Variants in ADGRL3 observed in about 807,000 individuals in gnomAD.
ADGRL3 encodes calcium-independent alpha-latrotoxin receptor 3.
In ADGRL3, 62 loss-of-function variants were observed where a neutral mutation model predicts 153.5. The ratio of observed to expected loss-of-function variants is 0.40; its 90% CI spans 0.33 to 0.50. ADGRL3 has a LOEUF of 0.50. Ranked by LOEUF, ADGRL3 falls within the 20% of genes least tolerant of loss-of-function variation. The pLI, the probability that ADGRL3 is intolerant of heterozygous loss-of-function variation, is 0.47. For synonymous variants in ADGRL3, 710 were observed against 672.5 expected (o/e 1.06, Z -0.86); for missense variants, 1,641 against 1,859.4 (o/e 0.88, Z 2.16).
At chr4:61,476,291 G>A (rs892097440) in intron 2 of ADGRL3, among the ~76,000 whole-genome samples, 3 of 151,394 alleles carry the variant, frequency 2.0e-5, no homozygotes, top group African/African-American at 2.4e-5. Flanking sequence ...GCGGGTGGAC[G>A]ATCTCGGCTC....
intron 2 of ADGRL3, among the ~76,000 whole-genome samples, chr4:61,474,407 C>G (rs763300026): frequency 6.6e-6 from 1 of 151,984 alleles, no homozygotes; most frequent in Non-Finnish European, 1.5e-5. Context: ...GGACAAGCAA[C>G]AAAAAAGTCT....
chr4:61,440,325 G>T (rs565381418), intron 2 of ADGRL3, among the ~76,000 whole-genome samples: 6 of 152,316 alleles, frequency 3.9e-5, no homozygotes, highest in Admixed American at 2.0e-4. Context: ...TGGGATTACA[G>T]GCGTGAGCCA....
Position 62,070,563 on chromosome 4 carries a change from T to C in ADGRL3, c.4287T>C (p.Ser1429=). Residue 1429 remains serine (S), a synonymous_variant, in exon 27 of 27, where the codon AGT becomes AGC. Coordinates refer to ENST00000683033, the MANE Select transcript of ADGRL3 (RefSeq NM_001387552.1). The part of the protein sequence containing the change: ...YTRRRIPQDH[S]ESFFPLLTNE... Reference sequence around the variant, plus strand: ...GAAGGCGGATCCCCCAAGACCACAGTGAGAGCTTTTTCCCTTTGCTAACCA... The same window carrying C: ...GAAGGCGGATCCCCCAAGACCACAGCGAGAGCTTTTTCCCTTTGCTAACCA... 3.2e-6 allele frequency: 5 copies of C among 1,544,660 alleles called. No homozygotes were observed. Among genetic ancestry groups the C allele is most frequent in the Non-Finnish European group, 4.4e-6 (5 of 1,146,000 alleles).
At chr4:61,715,626 A>G (rs962151925) in intron 6 of ADGRL3, among the ~76,000 whole-genome samples, 7 of 152,158 alleles carry the variant, frequency 4.6e-5, no homozygotes, top group Non-Finnish European at 1.0e-4. Flanking sequence ...AAATTCTGGC[A>G]TGTATCTAAT....
At chr4:61,515,083 G>C (rs544433253) in intron 3 of ADGRL3, among the ~76,000 whole-genome samples, 1 of 152,106 alleles carries the variant, frequency 6.6e-6, no homozygotes, top group African/African-American at 2.4e-5. Context: ...ATCCTAAACA[G>C]ATTGTCTTAA....
intron 3 of ADGRL3, among the ~76,000 whole-genome samples, chr4:61,514,347 G>A (rs114075422): frequency 0.024 from 3,727 of 152,270 alleles, 62 homozygotes; most frequent in Non-Finnish European, 0.042. Context: ...GCAGACTTAA[G>A]ATTCGTGTTT....
intron 25 of ADGRL3, among the ~76,000 whole-genome samples, chr4:62,051,135 A>G (rs868262966): frequency 1.9e-4 from 25 of 132,330 alleles, no homozygotes; most frequent in Middle Eastern, 3.5e-3. Context: ...ATATGTGTGT[A>G]TATATATATA....
chr4:62,007,407 C>T (rs1290252760), intron 21 of ADGRL3, among the ~76,000 whole-genome samples: 4 of 83,370 alleles, frequency 4.8e-5, no homozygotes, highest in Non-Finnish European at 4.9e-5. Context: ...TATATATATA[C>T]ACGTATATAT....
chr4:61,409,808 A>G (rs2097061281), intron 2 of ADGRL3, among the ~76,000 whole-genome samples: 2 of 152,014 alleles, frequency 1.3e-5, no homozygotes, highest in South Asian at 2.1e-4. Flanking sequence ...TGGGTTTGTT[A>G]TGCCTTTCTT....
At chr4:61,397,483 C>T (rs1302781862) in intron 2 of ADGRL3, among the ~76,000 whole-genome samples, 4 of 151,840 alleles carry the variant, frequency 2.6e-5, no homozygotes, top group African/African-American at 7.2e-5. Context: ...TTTTCAGATT[C>T]CTTCAGGACC....
intron 21 of ADGRL3, among the ~76,000 whole-genome samples, chr4:62,025,615 A>G (rs931454139): frequency 6.6e-6 from 1 of 152,082 alleles, no homozygotes; most frequent in Non-Finnish European, 1.5e-5. Context: ...GATTGAGGAA[A>G]AGCCCACTCA....
At chr4:61,946,848 T>C in intron 15 of ADGRL3, 66 bp from the exon 16 acceptor site, 1 of 1,200,966 alleles carries the variant, frequency 8.3e-7, no homozygotes, top group East Asian at 2.3e-5. Context: ...TTTAATTTTC[T>C]ATCTCATTAG....
chr4:61,716,997 T>C lies in ADGRL3; in HGVS notation c.584-13625T>C, dbSNP rs527823744. 2.0e-5 allele frequency among the ~76,000 whole-genome samples: 3 copies of C among 152,174 alleles called. No homozygotes were observed. In the South Asian group the frequency reaches 6.2e-4, roughly 32 times the overall value. ...AAGAGTCTAGAACTTGACCATGGTGTGATGAATTCATGCATCTAGATGCAT... is the reference window on the plus strand; with the variant it reads ...AAGAGTCTAGAACTTGACCATGGTGCGATGAATTCATGCATCTAGATGCAT... On this transcript the variant is annotated intron_variant, in intron 6 of 26. Coordinates refer to ENST00000683033, the MANE Select transcript of ADGRL3 (RefSeq NM_001387552.1).
At chr4:61,898,026 G>A in intron 11 of ADGRL3, among the ~76,000 whole-genome samples, 1 of 152,024 alleles carries the variant, frequency 6.6e-6, no homozygotes, top group East Asian at 1.9e-4. Flanking sequence ...CTTAGCCCCA[G>A]GTGGCCTTTC....
chr4:61,398,435 T>C (rs2096892838), intron 2 of ADGRL3, among the ~76,000 whole-genome samples: 1 of 151,716 alleles, frequency 6.6e-6, no homozygotes, highest in Admixed American at 6.6e-5. Flanking sequence ...GTTATCTTTT[T>C]TTTTTTCTTA....
chr4:61,300,109 T>C (rs776778584), intron 1 of ADGRL3, among the ~76,000 whole-genome samples: 10 of 152,204 alleles, frequency 6.6e-5, no homozygotes, highest in Admixed American at 2.0e-4. Flanking sequence ...GATTAACTTA[T>C]TGGAAATTCA....
At chr4:61,614,908 G>A (rs181339380) in intron 5 of ADGRL3, among the ~76,000 whole-genome samples, 7 of 152,142 alleles carry the variant, frequency 4.6e-5, no homozygotes, top group Admixed American at 3.3e-4. Context: ...TTTGCTCGTT[G>A]CTTTATGTTG....
At chr4:61,736,864 A>G (rs765266906) in intron 8 of ADGRL3, among the ~76,000 whole-genome samples, 2 of 152,176 alleles carry the variant, frequency 1.3e-5, no homozygotes, top group African/African-American at 2.4e-5. Context: ...AAAACTATCA[A>G]TTTTCATGCA....
chr4:61,446,840 C>T (rs1431170914), intron 2 of ADGRL3, among the ~76,000 whole-genome samples: 1 of 152,172 alleles, frequency 6.6e-6, no homozygotes, highest in Non-Finnish European at 1.5e-5. Flanking sequence ...GTTTTCCCTA[C>T]TTGCTATAGA....
Sources: allele counts gnomAD v4.1 joint callset (sites outside exome capture counted in the v4.1 genomes callset), GRCh38; gene constraint gnomAD v4.1.1; transcripts MANE v1.5; gene names NCBI Gene and HGNC (gene_info 2026-07-23, HGNC 2026-07-21).